POU6F2: variants seen among roughly 807,000 people sequenced by gnomAD.
The protein encoded by POU6F2 is POU domain, class 6, transcription factor 2.
POU6F2 carries 31 observed loss-of-function variants against 71.3 expected under a neutral mutation model. That is an observed-to-expected ratio of 0.43 (90% CI 0.33 to 0.59). The LOEUF is 0.59. Among genes scored for constraint, POU6F2 ranks in the 20% least tolerant of loss-of-function variants. The pLI is 0.04. For synonymous variants in POU6F2, 347 were observed against 355.7 expected (o/e 0.98, Z 0.27); for missense variants, 783 against 856.8 (o/e 0.91, Z 1.07).
intron 5 of POU6F2, among the ~76,000 whole-genome samples, chr7:39,370,688 G>A (rs1786589003): frequency 6.6e-6 from 1 of 152,222 alleles, no homozygotes; most frequent in African/African-American, 2.4e-5. Flanking sequence ...TAGCTCAAGT[G>A]TTATTCTGGG....
At chr7:39,328,616 C>T (rs943297395) in intron 4 of POU6F2, among the ~76,000 whole-genome samples, 2 of 152,134 alleles carry the variant, frequency 1.3e-5, no homozygotes, top group Non-Finnish European at 2.9e-5. Context: ...CCAGAATGCC[C>T]GTTTTAATTT....
chr7:39,111,170 A>G (rs1791804703), intron 2 of POU6F2, among the ~76,000 whole-genome samples: 1 of 152,180 alleles, frequency 6.6e-6, no homozygotes, highest in Non-Finnish European at 1.5e-5. Flanking sequence ...TCTAAAAACA[A>G]TTCTGGGAAT....
intron 4 of POU6F2, among the ~76,000 whole-genome samples, chr7:39,301,901 A>G (rs1186777147): frequency 6.6e-6 from 1 of 152,040 alleles, no homozygotes; most frequent in Non-Finnish European, 1.5e-5. Flanking sequence ...AATGGTAGTA[A>G]TTTGTCTATA....
chr7:39,102,809 T>C (rs1365391323), intron 2 of POU6F2, among the ~76,000 whole-genome samples: 1 of 152,208 alleles, frequency 6.6e-6, no homozygotes, highest in Non-Finnish European at 1.5e-5. Flanking sequence ...ACTACACACT[T>C]AGGTTTGTAT....
intron 2 of POU6F2, among the ~76,000 whole-genome samples, chr7:39,157,404 G>A (rs1223423124): frequency 1.3e-5 from 2 of 152,010 alleles, no homozygotes; most frequent in African/African-American, 4.8e-5. Context: ...ATTCTAGAGG[G>A]AAGTGCTTAT....
chr7:39,278,691 CT>C, intron 4 of POU6F2, among the ~76,000 whole-genome samples: 1 of 152,250 alleles, frequency 6.6e-6, no homozygotes, highest in African/African-American at 2.4e-5. Context: ...AAGAAAGCCC[CT>C]GTAGCCAGCA....
At chr7:39,444,112 C>A (rs547197893) in intron 7 of POU6F2, among the ~76,000 whole-genome samples, 1 of 152,166 alleles carries the variant, frequency 6.6e-6, no homozygotes, top group African/African-American at 2.4e-5. Flanking sequence ...AATGTAGTAT[C>A]CAACACACTG....
At chr7:38,999,469 T>C (rs1345482098) in intron 1 of POU6F2, among the ~76,000 whole-genome samples, 1 of 152,230 alleles carries the variant, frequency 6.6e-6, no homozygotes, top group African/African-American at 2.4e-5. Flanking sequence ...CTCAAGCATA[T>C]GTAGTATTTA....
intron 4 of POU6F2, among the ~76,000 whole-genome samples, chr7:39,330,773 T>G (rs1785628048): frequency 6.6e-6 from 1 of 152,246 alleles, no homozygotes; most frequent in African/African-American, 2.4e-5. Context: ...ATCTATGTTG[T>G]ATTCATTATT....
chr7:39,252,399 G>GACAGACAGACAC (rs1554335522), intron 4 of POU6F2, among the ~76,000 whole-genome samples: 62 of 144,266 alleles, frequency 4.3e-4, no homozygotes, highest in African/African-American at 1.5e-3. Flanking sequence ...CAGACAGACA[G>GACAGACAGACAC]ACACACACAC....
rs967178307 is a variant in POU6F2, at chr7:39,335,056, T to A, written c.599-4586T>A. On this transcript the variant is annotated intron_variant, in intron 4 of 9. Coordinates refer to ENST00000518318, the MANE Select transcript of POU6F2 (RefSeq NM_001370959.1). ...TGATGCCTAGTTACTTTCCTTAAAC[T>A]GGCACCAAGCCTGAGCACAGAGCTG... is the stretch of plus-strand genomic sequence containing the variant. Among the ~76,000 whole-genome samples the A allele has an allele frequency of 2.0e-5, 3 of 152,204 alleles. No homozygotes were observed. In the East Asian group the frequency reaches 5.8e-4, roughly 29 times the overall value.
At position 39,464,310 on chromosome 7, in the gene POU6F2, C is replaced by T. The variant is rs765276305; in HGVS notation, c.1787C>T (p.Thr596Ile). 1.1e-5 allele frequency: 17 copies of T among 1,614,018 alleles called. No homozygotes were observed. The highest frequency in any genetic ancestry group is 1.7e-5 in the Admixed American group (1 of 60,026). The part of the protein sequence containing the change: ...YPARFEKLDI[T>I]PKSAQKIKPV... ...GCCAGGTTTGAAAAGCTGGACATCA[C>T]CCCTAAAAGTGCCCAGAAGATCAAG... Residue 596 changes from threonine to isoleucine, a missense_variant, in exon 10 of 10, where the codon ACC (threonine) becomes ATC (isoleucine). This residue lies in a region of POU6F2 where 211 missense variants were observed against 283.9 expected (regional missense o/e 0.74). Transcript: ENST00000518318. This position sits in a 1 kb window ranked among gnomAD's most constrained non-coding sequence, Gnocchi z 4.1.
intron 1 of POU6F2, among the ~76,000 whole-genome samples, chr7:39,032,454 G>A (rs1055263331): frequency 1.3e-5 from 2 of 152,220 alleles, no homozygotes; most frequent in African/African-American, 4.8e-5. Context: ...TAGACATTCA[G>A]TTGAATGAGG....
chr7:39,140,931 G>A (rs1299212134), intron 2 of POU6F2, among the ~76,000 whole-genome samples: 1 of 152,154 alleles, frequency 6.6e-6, no homozygotes, highest in African/African-American at 2.4e-5. Context: ...GTCTGGTTAG[G>A]ACACCACTGC....
In POU6F2 at chr7:39,211,990, G is replaced by GTCTCCATCATCTTTATCCTTA. The variant is rs1345009362; in HGVS notation, c.598+4378_598+4398dup. On this transcript the variant is annotated intron_variant, in intron 4 of 9. Transcript: ENST00000518318. ...TGTCAGGAACTCTCCATTTTTCTCTGTCTCCATCATCTTTATCCTTATCTC... is the reference window on the plus strand; with the variant it reads ...TGTCAGGAACTCTCCATTTTTCTCTGTCTCCATCATCTTTATCCTTATCTCCATCATCTTTATCCTTATCTC... Among the ~76,000 whole-genome samples the GTCTCCATCATCTTTATCCTTA allele has an allele frequency of 4.7e-5, 7 of 149,314 alleles. No homozygotes were observed. In the East Asian group the frequency reaches 1.4e-3, roughly 29 times the overall value.
intron 5 of POU6F2, among the ~76,000 whole-genome samples, chr7:39,390,159 G>A (rs1346538528): frequency 6.6e-6 from 1 of 152,162 alleles, no homozygotes; most frequent in Non-Finnish European, 1.5e-5. Flanking sequence ...ACTTTGGGAG[G>A]CTGAGGCAGG....
chr7:39,447,483 G>A (rs1386499952), intron 7 of POU6F2, among the ~76,000 whole-genome samples: 2 of 152,190 alleles, frequency 1.3e-5, no homozygotes, highest in Non-Finnish European at 2.9e-5. Context: ...TATACCAGCT[G>A]TGTAATCCCA....
chr7:39,428,455 G>C (rs767627327), intron 6 of POU6F2, among the ~76,000 whole-genome samples: 1 of 152,176 alleles, frequency 6.6e-6, no homozygotes, highest in Non-Finnish European at 1.5e-5. Flanking sequence ...GAGAATCGGG[G>C]CAAAGACATA....
chr7:39,110,143 C>T (rs938390161), intron 2 of POU6F2, among the ~76,000 whole-genome samples: 3 of 151,480 alleles, frequency 2.0e-5, no homozygotes, highest in African/African-American at 7.3e-5. Context: ...TGGTGGCGGG[C>T]GGCTGTAATC....
Sources: gnomAD v4.1 joint callset for allele counts (sites outside exome capture counted in the v4.1 genomes callset) on GRCh38, gnomAD v4.1.1 for gene constraint, gnomAD v4.1.1 regional missense constraint, Gnocchi (gnomAD v3.1) non-coding constraint, MANE v1.5 for transcripts, NCBI Gene and HGNC (gene_info 2026-07-23, HGNC 2026-07-21) for gene names.